Variants in CTR9 observed in about 807,000 individuals in gnomAD.
CTR9 encodes the protein CTR9 component of Paf1/RNA polymerase II complex.
In CTR9, 41 loss-of-function variants were observed where a neutral mutation model predicts 152.1. The ratio of observed to expected loss-of-function variants is 0.27; its 90% CI spans 0.21 to 0.35. CTR9 has a LOEUF of 0.35. Among genes scored for constraint, CTR9 ranks in the 10% least tolerant of loss-of-function variants. CTR9 has a pLI of 1.00. For missense variants in CTR9, 917 were observed against 1,424.4 expected, an observed-to-expected ratio of 0.64 and a Z score of 5.73; for synonymous variants, 476 against 496.2, an observed-to-expected ratio of 0.96 and a Z score of 0.54.
intron 9 of CTR9, 49 bp from the exon 10 acceptor site, chr11:10,764,063 G>T: frequency 6.3e-7 from 1 of 1,575,818 alleles, no homozygotes; most frequent in South Asian, 1.1e-5. Flanking sequence ...TTTTTATTTT[G>T]ACAACCTATA....
chr11:10,773,271 C>T lies in CTR9; in HGVS notation c.2725C>T (p.Arg909Trp), dbSNP rs1378615548. 4 of 1,611,078 alleles carry T rather than the reference C, an allele frequency of 2.5e-6. No individual in the cohort carries two copies. The highest frequency in any genetic ancestry group is 1.3e-5 in the African/African-American group (1 of 74,724). The change falls in exon 21 of 25, where the codon CGG (arginine) becomes TGG (tryptophan). Residue 909 changes from arginine to tryptophan, a missense_variant and splice_region_variant. Around this residue, in one of 9 missense-constraint regions of CTR9, gnomAD observed 384 missense variants for 398.4 expected, o/e 0.96. Coordinates refer to ENST00000361367, the MANE Select transcript of CTR9 (RefSeq NM_014633.5). ...KEKKRGGGGG[R>W]RSKKGGEFDE... ...GAAGAAAAGAGGTGGTGGTGGTGGA[C>T]GGGTAAGATATAATTCCTGCTAGCA...
intron 12 of CTR9, among the ~76,000 whole-genome samples, chr11:10,765,198 GC>G (rs1863041078): frequency 6.6e-6 from 1 of 152,042 alleles, no homozygotes; most frequent in Non-Finnish European, 1.5e-5. Flanking sequence ...AATAATTTAG[GC>G]CTGGCATGGT....
intron 20 of CTR9, among the ~76,000 whole-genome samples, chr11:10,772,908 T>A (rs1453039024): frequency 3.3e-5 from 5 of 151,862 alleles, no homozygotes; most frequent in African/African-American, 1.2e-4. Context: ...GCACCTGTAA[T>A]CCCAGCTACT....
chr11:10,758,013 A>G (rs1482449551), intron 5 of CTR9, among the ~76,000 whole-genome samples: 3 of 152,192 alleles, frequency 2.0e-5, no homozygotes, highest in Non-Finnish European at 4.4e-5. Context: ...GGTCCAGAGG[A>G]AAGAGAGTGC....
At chr11:10,754,684 G>A (rs1862857448) in intron 2 of CTR9, among the ~76,000 whole-genome samples, 1 of 151,948 alleles carries the variant, frequency 6.6e-6, no homozygotes, top group South Asian at 2.1e-4. Context: ...CACACAATAT[G>A]TACTCTTTTT....
At chr11:10,755,476 T>G (rs1404057023) in intron 3 of CTR9, among the ~76,000 whole-genome samples, 3 of 152,220 alleles carry the variant, frequency 2.0e-5, no homozygotes, top group Non-Finnish European at 4.4e-5. Flanking sequence ...TTCTTTTGGT[T>G]GTTGTTATTG....
intron 2 of CTR9, among the ~76,000 whole-genome samples, chr11:10,753,456 A>T (rs1806234830): frequency 6.6e-6 from 1 of 152,046 alleles, no homozygotes; most frequent in South Asian, 2.1e-4. Context: ...GGCTCCTAAT[A>T]TTGTCTTGAA....
At chr11:10,762,472 A>G (rs1862993136) in intron 7 of CTR9, among the ~76,000 whole-genome samples, 1 of 152,228 alleles carries the variant, frequency 6.6e-6, no homozygotes, top group Admixed American at 6.5e-5. Flanking sequence ...GGTTTTTAGG[A>G]AGAGGTCACT....
chr11:10,773,453 C>G (rs1308207874), intron 21 of CTR9, among the ~76,000 whole-genome samples, 180 bp downstream of exon 21: 1 of 152,154 alleles, frequency 6.6e-6, no homozygotes, highest in African/African-American at 2.4e-5. Flanking sequence ...CAATGCATTC[C>G]AAGGTTTGCT....
Position 10,754,903 on chromosome 11 carries a change from A to G in CTR9, c.145-55A>G, listed in dbSNP as rs116418583. On this transcript the variant is annotated intron_variant, in intron 2 of 24. Coordinates refer to ENST00000361367, the MANE Select transcript of CTR9 (RefSeq NM_014633.5). ...AAGCTGCTGTAAACATTTGTGTACA[A>G]CTTTTTATATGGACATATGCTTTAG... The G allele has an allele frequency of 2.7e-3, 4,252 of 1,549,350 alleles. 81 individuals carry two copies. The African/African-American group carries it at 0.045, about 16-fold the overall frequency.
Position 10,772,611 on chromosome 11 carries a change from G to A in CTR9, c.2536G>A (p.Glu846Lys), listed in dbSNP as rs369502784. Residue 846 changes from glutamate to lysine, a missense_variant, in exon 20 of 25, where the codon GAG (glutamate) becomes AAG (lysine). Physicochemically the swap from Glu to Lys is moderately conservative, Grantham distance 56. Coordinates refer to ENST00000361367, the MANE Select transcript of CTR9 (RefSeq NM_014633.5). The stretch of plus-strand genomic sequence containing the variant: ...AGAGCGGGAGCTGCGGGCCAAGCAA[G>A]AGCAAGAAAAGGAGCTGTTAAGGCA... ...EEERELRAKQ[E>K]QEKELLRQKL... The A allele has an allele frequency of 3.7e-6, 6 of 1,610,532 alleles. No homozygotes were observed. In the African/African-American group the frequency reaches 8.1e-5, roughly 22 times the overall value.
At chr11:10,778,316 T>G (rs1863274373) in intron 24 of CTR9, among the ~76,000 whole-genome samples, 1 of 152,244 alleles carries the variant, frequency 6.6e-6, no homozygotes, top group African/African-American at 2.4e-5. Context: ...CCTTTGTTGC[T>G]GTTAATTTGT....
chr11:10,772,566 G>A lies in CTR9; in HGVS notation c.2491G>A (p.Ala831Thr), dbSNP rs1468838652. ...CCAGGCCCAGTACCATGTGGCCCGG[G>A]CACGCAAACAAGATGAAGAAGAGCG... The part of the protein sequence containing the change: ...LSQAQYHVAR[A>T]RKQDEEEREL... The change falls in exon 20 of 25, where the codon GCA (alanine) becomes ACA (threonine). Residue 831 changes from alanine to threonine, a missense_variant. By Grantham distance (58) the Ala-to-Thr change is moderately conservative (BLOSUM62 0). Transcript: ENST00000361367. 6.2e-7 allele frequency: 1 copy of A among 1,611,170 alleles called. No homozygotes were observed. The highest frequency in any genetic ancestry group is 8.5e-7 in the Non-Finnish European group (1 of 1,178,604).
chr11:10,755,538 G>T (rs1862871553), intron 3 of CTR9, 140 bp from the exon 4 acceptor site: 1 of 588,790 alleles, frequency 1.7e-6, no homozygotes. Flanking sequence ...ATTAAGAATT[G>T]CTTGTTAGTA....
intron 7 of CTR9, 24 bp from the exon 8 acceptor site, chr11:10,763,407 G>C (rs143434773): frequency 3.3e-6 from 5 of 1,520,114 alleles, no homozygotes; most frequent in Non-Finnish European, 4.6e-6. Context: ...AATTCACTCA[G>C]TTGACTTTCT....
chr11:10,772,337 A>G (rs904906412), intron 19 of CTR9, among the ~76,000 whole-genome samples, 183 bp from the exon 20 acceptor site: 2 of 152,172 alleles, frequency 1.3e-5, no homozygotes, highest in African/African-American at 2.4e-5. Context: ...CTAGGCAACA[A>G]GAGCAAAACT....
Position 10,775,281 on chromosome 11 carries a change from C to T in CTR9, c.2960C>T (p.Pro987Leu), listed in dbSNP as rs748243897. 1.2e-6 allele frequency: 2 copies of T among 1,613,794 alleles called. No homozygotes were observed. ...CCCAAACCAAAAAAACGACGTCCAC[C>T]AAAAGCAGAGAAGAAAAAGGCTGTA... ...NGPKPKKRRP[P>L]KAEKKKAPKP... Residue 987 changes from proline (P) to leucine (L), a missense_variant, in exon 23 of 25, where the codon CCA becomes CTA. Transcript: ENST00000361367.
chr11:10,779,026 G>A lies in CTR9; in HGVS notation c.3443G>A (p.Gly1148Glu), dbSNP rs764417096. ...SDNEGSGQGSGNESEPEGSNN... is the reference protein window; with the variant it reads ...SDNEGSGQGSENESEPEGSNN... Reference sequence around the variant, plus strand: ...AATGAGGGTTCTGGCCAAGGCTCTGGAAATGAATCGGAACCAGAGGGATCC... The same window carrying A: ...AATGAGGGTTCTGGCCAAGGCTCTGAAAATGAATCGGAACCAGAGGGATCC... The change falls in exon 25 of 25, where the codon GGA becomes GAA. Residue 1148 changes from glycine to glutamate, a missense_variant. Physicochemically the swap from Gly to Glu is moderately conservative, Grantham distance 98 (BLOSUM62 -2). Coordinates refer to ENST00000361367, the MANE Select transcript of CTR9 (RefSeq NM_014633.5). 1.1e-5 allele frequency: 17 copies of A among 1,614,060 alleles called. No individual in the cohort carries two copies. The South Asian group carries it at 1.8e-4, about 17-fold the overall frequency.
intron 15 of CTR9, 41 bp downstream of exon 15, chr11:10,768,202 A>G: frequency 5.7e-6 from 9 of 1,588,506 alleles, no homozygotes; most frequent in Non-Finnish European, 7.8e-6. Context: ...TTTGTTTCAA[A>G]TGAATACTTT....
Sources: allele counts gnomAD v4.1 joint callset (sites outside exome capture counted in the v4.1 genomes callset), GRCh38; gene constraint gnomAD v4.1.1; regional missense constraint gnomAD v4.1.1; transcripts MANE v1.5; gene names NCBI Gene and HGNC (gene_info 2026-07-23, HGNC 2026-07-21).